PAPSS2: variants seen among roughly 807,000 people sequenced by gnomAD.
PAPSS2 encodes 3'-phosphoadenosine 5'-phosphosulfate synthase 2.
PAPSS2 carries 61 observed loss-of-function variants against 66.5 expected under a neutral mutation model. That is an observed-to-expected ratio of 0.92 (90% CI 0.75 to 1.14). The LOEUF (loss-of-function observed/expected upper bound fraction) is 1.14, where lower values mean the gene tolerates loss of function less well. Ranked by LOEUF, PAPSS2 falls within the 50% of genes most tolerant of loss-of-function variation. The pLI, the probability that PAPSS2 is intolerant of heterozygous loss-of-function variation, is 0.00. For synonymous variants in PAPSS2, 289 were observed against 287.5 expected, an observed-to-expected ratio of 1.01 and a Z score of -0.05; for missense variants, 708 against 789.6, an observed-to-expected ratio of 0.90 and a Z score of 1.24.
At chr10:87,691,206 G>C (rs1363241582) in intron 1 of PAPSS2, among the ~76,000 whole-genome samples, 1 of 151,978 alleles carries the variant, frequency 6.6e-6, no homozygotes. Flanking sequence ...CATCTGGCTC[G>C]CTACCTTTGA....
chr10:87,740,180 C>T (rs780602735), intron 9 of PAPSS2, among the ~76,000 whole-genome samples: 1 of 151,774 alleles, frequency 6.6e-6, no homozygotes, highest in Admixed American at 6.5e-5. Flanking sequence ...AATGATAAAT[C>T]TTAAGGTTTC....
At chr10:87,717,059 C>A (rs1249453659) in intron 7 of PAPSS2, among the ~76,000 whole-genome samples, 6 of 152,138 alleles carry the variant, frequency 3.9e-5, no homozygotes, top group Admixed American at 3.9e-4. Flanking sequence ...TCTTAGGAAT[C>A]CTGGCCCAGT....
At chr10:87,691,516 A>T (rs934669938) in intron 1 of PAPSS2, among the ~76,000 whole-genome samples, 6 of 152,088 alleles carry the variant, frequency 3.9e-5, no homozygotes, top group Non-Finnish European at 8.8e-5. Context: ...ACAACATAAA[A>T]ACCCTAGTTT....
At chr10:87,690,101 C>A (rs757591096) in intron 1 of PAPSS2, among the ~76,000 whole-genome samples, 17 of 152,090 alleles carry the variant, frequency 1.1e-4, no homozygotes, top group Non-Finnish European at 2.1e-4. Context: ...AGCAATTAAT[C>A]CCACAGATAT....
At chr10:87,725,875 ATG>A (rs1853652413) in intron 8 of PAPSS2, among the ~76,000 whole-genome samples, 3 of 144,168 alleles carry the variant, frequency 2.1e-5, no homozygotes, top group Admixed American at 7.0e-5. Flanking sequence ...TAAAAAAAAT[ATG>A]TGTGTATACA....
chr10:87,697,668 CAT>C (rs1853251583), intron 1 of PAPSS2, among the ~76,000 whole-genome samples: 1 of 152,210 alleles, frequency 6.6e-6, no homozygotes, highest in African/African-American at 2.4e-5. Flanking sequence ...AAGCACAGAA[CAT>C]ATGATTATGA....
chr10:87,690,860 G>A (rs1409102731), intron 1 of PAPSS2, among the ~76,000 whole-genome samples: 1 of 152,182 alleles, frequency 6.6e-6, no homozygotes, highest in Non-Finnish European at 1.5e-5. Flanking sequence ...TGAAGGAACA[G>A]AGAGGTTAAG....
intron 1 of PAPSS2, among the ~76,000 whole-genome samples, chr10:87,661,262 C>A (rs1206060806): frequency 2.0e-5 from 3 of 151,908 alleles, no homozygotes; most frequent in African/African-American, 7.3e-5. Context: ...CTCCAGGGAC[C>A]ATACTGGACC....
chr10:87,679,189 A>G (rs992068336), intron 1 of PAPSS2, among the ~76,000 whole-genome samples: 1 of 152,222 alleles, frequency 6.6e-6, no homozygotes, highest in Non-Finnish European at 1.5e-5. Context: ...AGAAGGACAA[A>G]CATTGCGTGT....
chr10:87,671,659 G>A (rs1157119529), intron 1 of PAPSS2, among the ~76,000 whole-genome samples: 1 of 152,206 alleles, frequency 6.6e-6, no homozygotes, highest in Non-Finnish European at 1.5e-5. Flanking sequence ...TTCTCTGGAT[G>A]TACTAGAGGT....
At chr10:87,708,851 C>A (rs1324116488) in intron 1 of PAPSS2, among the ~76,000 whole-genome samples, 1 of 152,036 alleles carries the variant, frequency 6.6e-6, no homozygotes, top group Non-Finnish European at 1.5e-5. Flanking sequence ...GATTGTGTTG[C>A]ATGAATCAAT....
At chr10:87,711,463 T>A (rs1388008297) in intron 2 of PAPSS2, among the ~76,000 whole-genome samples, 1 of 152,220 alleles carries the variant, frequency 6.6e-6, no homozygotes, top group Non-Finnish European at 1.5e-5. Context: ...ATTTCTCTCA[T>A]TTTCTGACAT....
Position 87,747,140 on chromosome 10 carries a change from T to C in PAPSS2, c.*1170T>C, listed in dbSNP as rs1032608008. The C allele has an allele frequency of 6.6e-6, 1 of 151,394 alleles. No homozygotes were observed. The highest frequency in any genetic ancestry group is 2.4e-5 in the African/African-American group (1 of 41,092). The allele number at this position is 151,394 out of a possible 1,614,324, so 9.4% of individuals were successfully genotyped here. A position where few individuals can be genotyped will look rare whatever the true frequency, so the allele number is the denominator to read the frequency against. On this transcript the variant is annotated 3_prime_UTR_variant, in exon 13 of 13. Transcript: ENST00000456849. Reference sequence around the variant, plus strand: ...CTTACAAAGCTGCCTTCTCGGATACTGAAAGGTCGAGTTTTCTGAACTGCA... The same window carrying C: ...CTTACAAAGCTGCCTTCTCGGATACCGAAAGGTCGAGTTTTCTGAACTGCA...
At position 87,663,102 on chromosome 10, in the gene PAPSS2, G is replaced by A. The variant is rs143626083; in HGVS notation, c.27+3094G>A. ...GTATAACATTATTTTTCTAGAAGTA[G>A]CCACTTTTTTTTTTTTTTTTTTTTT... On this transcript the variant is annotated intron_variant, in intron 1 of 12. Coordinates refer to ENST00000456849, the MANE Select transcript of PAPSS2 (RefSeq NM_001015880.2). Among the ~76,000 whole-genome samples, 4 of 115,580 alleles carry A rather than the reference G, an allele frequency of 3.5e-5. No homozygotes were observed. The East Asian group carries it at 1.1e-3, about 31-fold the overall frequency. 75.8% of individuals were successfully genotyped at this position (115,580 alleles called of 152,430 possible).
At chr10:87,678,675 T>A (rs765584054) in intron 1 of PAPSS2, among the ~76,000 whole-genome samples, 3 of 151,916 alleles carry the variant, frequency 2.0e-5, no homozygotes, top group Non-Finnish European at 4.4e-5. Context: ...AACAGATATG[T>A]GAAAAAATGC....
intron 1 of PAPSS2, among the ~76,000 whole-genome samples, chr10:87,689,422 GC>G (rs1853136719): frequency 6.6e-6 from 1 of 151,782 alleles, no homozygotes; most frequent in East Asian, 1.9e-4. Flanking sequence ...TGTAATCCCA[GC>G]ACTTTGGGAG....
At chr10:87,684,754 T>C (rs1038838833) in intron 1 of PAPSS2, among the ~76,000 whole-genome samples, 1 of 152,170 alleles carries the variant, frequency 6.6e-6, no homozygotes, top group Non-Finnish European at 1.5e-5. Flanking sequence ...TATTATTCCA[T>C]CCATTTTGCT....
In PAPSS2 at chr10:87,715,793, T is replaced by A. The variant is rs1482580524; in HGVS notation, c.815T>A (p.Met272Lys). 3.1e-6 allele frequency: 5 copies of A among 1,613,678 alleles called. No homozygotes were observed. The highest frequency in any genetic ancestry group is 4.2e-6 in the Non-Finnish European group (5 of 1,179,712). Residue 272 changes from methionine (M) to lysine (K), a missense_variant, in exon 7 of 13, where the codon ATG (methionine) becomes AAG (lysine). By Grantham distance (95) the Met-to-Lys change is moderately conservative. Coordinates refer to ENST00000456849, the MANE Select transcript of PAPSS2 (RefSeq NM_001015880.2). ...EGWATPLKGF[M>K]REKEYLQVMH... Reference sequence around the variant, plus strand: ...TGGGCCACTCCCCTCAAAGGTTTCATGCGGGAGAAGGAGTACTTACAGGTT... The same window carrying A: ...TGGGCCACTCCCCTCAAAGGTTTCAAGCGGGAGAAGGAGTACTTACAGGTT...
At chr10:87,714,304 C>G in intron 4 of PAPSS2, 122 bp downstream of exon 4, 1 of 1,001,652 alleles carries the variant, frequency 1.0e-6, no homozygotes, top group Non-Finnish European at 1.6e-6. Context: ...ATAACATGCA[C>G]AACTTTTTAT....
Sources: gnomAD v4.1 joint callset for allele counts (sites outside exome capture counted in the v4.1 genomes callset) on GRCh38, gnomAD v4.1.1 for gene constraint, MANE v1.5 for transcripts, NCBI Gene and HGNC (gene_info 2026-07-23, HGNC 2026-07-21) for gene names.